PDE5A: variants seen among roughly 807,000 people sequenced by gnomAD.
PDE5A encodes phosphodiesterase 5A, also known as cGMP-specific 3',5'-cyclic phosphodiesterase.
A neutral mutation model predicts 110.2 loss-of-function variants in PDE5A; 67 were observed. That is an observed-to-expected ratio of 0.61 (90% CI 0.50 to 0.75). The LOEUF is 0.75. Ranked by LOEUF, PDE5A falls within the 30% of genes least tolerant of loss-of-function variation. PDE5A has a pLI of 0.00. For synonymous variants in PDE5A, 328 were observed against 351.2 expected (o/e 0.93, Z 0.74); for missense variants, 862 against 1,045.1 (o/e 0.82, Z 2.42).
chr4:119,511,448 A>C (rs1725741022), intron 14 of PDE5A, among the ~76,000 whole-genome samples: 1 of 152,136 alleles, frequency 6.6e-6, no homozygotes, highest in Non-Finnish European at 1.5e-5. Flanking sequence ...ATGGAAAAAA[A>C]CCCTCTGAAA....
chr4:119,511,916 C>T (rs1181910291), intron 14 of PDE5A, among the ~76,000 whole-genome samples: 1 of 152,080 alleles, frequency 6.6e-6, no homozygotes, highest in Non-Finnish European at 1.5e-5. Context: ...TTTCTCATGA[C>T]CCTTCACACG....
At chr4:119,505,730 C>G in intron 17 of PDE5A, 125 bp downstream of exon 17, 1 of 613,156 alleles carries the variant, frequency 1.6e-6, no homozygotes, top group Non-Finnish European at 2.9e-6. Context: ...CTGGAGAAAT[C>G]TGACCGCTTT....
At chr4:119,572,913 C>A (rs189773165) in intron 3 of PDE5A, among the ~76,000 whole-genome samples, 2 of 152,210 alleles carry the variant, frequency 1.3e-5, no homozygotes, top group Middle Eastern at 3.4e-3. Context: ...TTCTTCTCCC[C>A]CCTGTTCCTC....
chr4:119,614,797 C>T (rs1729878211), intron 1 of PDE5A, among the ~76,000 whole-genome samples: 1 of 152,138 alleles, frequency 6.6e-6, no homozygotes, highest in Non-Finnish European at 1.5e-5. Flanking sequence ...AGAGGCTGCA[C>T]TTTCAGCCAT....
At chr4:119,498,807 T>A (rs2110447779) in intron 20 of PDE5A, 69 bp from the exon 21 acceptor site, 1 of 1,538,350 alleles carries the variant, frequency 6.5e-7, no homozygotes, top group African/African-American at 1.4e-5. Context: ...ACAGGCCTGT[T>A]ACAAAGGGCC....
chr4:119,504,604 T>C lies in PDE5A; in HGVS notation c.2268-5A>G. 6.2e-7 allele frequency: 1 copy of C among 1,611,000 alleles called. No individual in the cohort carries two copies. Among genetic ancestry groups the C allele is most frequent in the Non-Finnish European group, 8.5e-7 (1 of 1,178,276 alleles). On this transcript the variant is annotated splice_polypyrimidine_tract_variant and splice_region_variant and intron_variant, in intron 17 of 20. Transcript: ENST00000354960. ...CAAGCTGTCATCAGCATTGCCCTGT[T>C]ATGGAAAAAAGAAACCCAAAACTCC...
chr4:119,503,769 T>C (rs1039370505), intron 18 of PDE5A, among the ~76,000 whole-genome samples: 1 of 152,138 alleles, frequency 6.6e-6, no homozygotes, highest in Non-Finnish European at 1.5e-5. Flanking sequence ...AAATGAAAAC[T>C]GTGCTAATGT....
At chr4:119,593,033 T>C (rs1729034326) in intron 3 of PDE5A, among the ~76,000 whole-genome samples, 1 of 152,124 alleles carries the variant, frequency 6.6e-6, no homozygotes, top group African/African-American at 2.4e-5. Context: ...GAAATTTAAA[T>C]CATCTCTCAG....
At chr4:119,535,679 A>C (rs905869334) in intron 11 of PDE5A, among the ~76,000 whole-genome samples, 1 of 152,138 alleles carries the variant, frequency 6.6e-6, no homozygotes, top group Non-Finnish European at 1.5e-5. Flanking sequence ...TTAAGCCAAG[A>C]GAAGGTTAGA....
chr4:119,563,851 C>T (rs747494578), intron 5 of PDE5A, among the ~76,000 whole-genome samples: 3 of 152,012 alleles, frequency 2.0e-5, no homozygotes, highest in Non-Finnish European at 2.9e-5. Context: ...ACAGGGAGAA[C>T]ATTGCAGTTA....
At chr4:119,504,761 T>TA (rs1725500138) in intron 17 of PDE5A, among the ~76,000 whole-genome samples, 162 bp from the exon 18 acceptor site, 1 of 152,130 alleles carries the variant, frequency 6.6e-6, no homozygotes, top group Non-Finnish European at 1.5e-5. Context: ...AAAGTCTAAC[T>TA]AATACATTGA....
intron 1 of PDE5A, among the ~76,000 whole-genome samples, chr4:119,614,101 T>C (rs1486198341): frequency 6.6e-6 from 1 of 151,840 alleles, no homozygotes; most frequent in Non-Finnish European, 1.5e-5. Context: ...CACACACTGT[T>C]TTCTTAAGGT....
At position 119,505,854 on chromosome 4, in the gene PDE5A, C is replaced by T. The variant is rs1725532878; in HGVS notation, c.2267+1G>A. 2 of 1,539,368 alleles carry T rather than the reference C, an allele frequency of 1.3e-6. No individual in the cohort carries two copies. On this transcript the variant is annotated splice_donor_variant, in intron 17 of 20. Transcript: ENST00000354960. LOFTEE classifies it high-confidence loss of function. ...GCTTTAAAGATAGTAAACCTACTTA[C>T]AAAAACAACTCCTTTTGATGAGGAT...
rs1022778049 is a variant in PDE5A, at chr4:119,627,493, C to G, written c.152+1027G>C. ...GCCAAGACGGCCAGCACCCGCTGCC[C>G]GACGGCCGCTGCCCAGAGCAGGCGG... is the stretch of plus-strand genomic sequence containing the variant. On this transcript the variant is annotated intron_variant, in intron 1 of 20. Coordinates refer to ENST00000354960, the MANE Select transcript of PDE5A (RefSeq NM_001083.4). This position sits in a 1 kb window ranked among gnomAD's most constrained non-coding sequence, Gnocchi z 4.6. 6.0e-6 allele frequency: 1 copy of G among 166,862 alleles called. No homozygotes were observed. Among genetic ancestry groups the G allele is most frequent in the Non-Finnish European group, 1.2e-5 (1 of 81,470 alleles). 10.3% of individuals were successfully genotyped at this position (166,862 alleles called of 1,614,324 possible). A position where few individuals can be genotyped will look rare whatever the true frequency, so the allele number is the denominator to read the frequency against.
Position 119,525,408 on chromosome 4 carries a change from G to A in PDE5A, c.1779+141C>T, listed in dbSNP as rs1007001051. ...ATGATAATTTTTCTTTAAAAGTCTC[G>A]GGTATATATTAGGTGACAGTATATT... On this transcript the variant is annotated intron_variant, in intron 12 of 20. Coordinates refer to ENST00000354960, the MANE Select transcript of PDE5A (RefSeq NM_001083.4). This position sits in a 1 kb window ranked among gnomAD's most constrained non-coding sequence, Gnocchi z 4.3. 6 of 665,992 alleles carry A rather than the reference G, an allele frequency of 9.0e-6. No individual in the cohort carries two copies. The highest frequency in any genetic ancestry group is 5.8e-5 in the East Asian group (2 of 34,624). The allele number at this position is 665,992 out of a possible 1,614,324, so 41.3% of individuals were successfully genotyped here.
chr4:119,556,417 C>G (rs1727541772), intron 7 of PDE5A, among the ~76,000 whole-genome samples: 1 of 152,146 alleles, frequency 6.6e-6, no homozygotes, highest in African/African-American at 2.4e-5. Flanking sequence ...AGGGCCATAT[C>G]CTAGGGATGT....
At chr4:119,499,572 A>G (rs1232302135) in intron 20 of PDE5A, 1 of 151,424 alleles carries the variant, frequency 6.6e-6, no homozygotes, top group African/African-American at 2.4e-5. Context: ...GCAGGGTTCC[A>G]CTCCCATTGC....
At position 119,562,328 on chromosome 4, in the gene PDE5A, G is replaced by A. The variant is rs537126669; in HGVS notation, c.1131+505C>T. 2.6e-5 allele frequency among the ~76,000 whole-genome samples: 4 copies of A among 152,256 alleles called. No homozygotes were observed. The South Asian group carries it at 8.3e-4, about 32-fold the overall frequency. On this transcript the variant is annotated intron_variant, in intron 6 of 20. Coordinates refer to ENST00000354960, the MANE Select transcript of PDE5A (RefSeq NM_001083.4). Reference sequence around the variant, plus strand: ...AACAGCTTAGTGGTTTTCCACTGTTGGTAAAAATATGGGACTTATGGGGAC... The same window carrying A: ...AACAGCTTAGTGGTTTTCCACTGTTAGTAAAAATATGGGACTTATGGGGAC...
At chr4:119,577,388 G>A (rs1728397192) in intron 3 of PDE5A, among the ~76,000 whole-genome samples, 1 of 152,106 alleles carries the variant, frequency 6.6e-6, no homozygotes, top group Non-Finnish European at 1.5e-5. Flanking sequence ...CACAAAAAAA[G>A]AGAATTTTAC....
Sources: allele counts gnomAD v4.1 joint callset (sites outside exome capture counted in the v4.1 genomes callset), GRCh38; gene constraint gnomAD v4.1.1; non-coding constraint Gnocchi (gnomAD v3.1); transcripts MANE v1.5; gene names NCBI Gene and HGNC (gene_info 2026-07-23, HGNC 2026-07-21).